The following ANP32A variants were observed in gnomAD, a reference collection of about 807,000 sequenced individuals.
ANP32A encodes the protein acidic nuclear phosphoprotein 32 family member A.
Under a neutral mutation model 33.9 loss-of-function variants are expected in ANP32A, and 1 was observed. The observed-to-expected ratio is 0.03, with a 90% CI of 0.01 to 0.14. The LOEUF (loss-of-function observed/expected upper bound fraction) is 0.14. Among genes scored for constraint, ANP32A ranks in the 10% least tolerant of loss-of-function variants. The pLI is 1.00. For missense variants in ANP32A, 155 were observed against 306.0 expected, an observed-to-expected ratio of 0.51 and a Z score of 3.68; for synonymous variants, 115 against 120.5, an observed-to-expected ratio of 0.95 and a Z score of 0.30.
At position 68,783,163 on chromosome 15, in the gene ANP32A, C is replaced by T. The variant is rs1472934125; in HGVS notation, c.527-110G>A. 3 of 1,485,040 alleles carry T rather than the reference C, an allele frequency of 2.0e-6. No individual in the cohort carries two copies. The African/African-American group carries it at 4.2e-5, about 21-fold the overall frequency. 92.0% of individuals were successfully genotyped at this position (1,485,040 alleles called of 1,614,324 possible). A position where few individuals can be genotyped will look rare whatever the true frequency, so the allele number is the denominator to read the frequency against. On this transcript the variant is annotated intron_variant, in intron 4 of 6. Transcript: ENST00000465139. Reference sequence around the variant, plus strand: ...TTCAGTGTGGGGCTCATGACCCTCCCACACCCACCTAAGTCCAAAGATGGA... The same window carrying T: ...TTCAGTGTGGGGCTCATGACCCTCCTACACCCACCTAAGTCCAAAGATGGA...
rs779209509 is a variant in ANP32A, at chr15:68,820,726, AAATG to A, written c.22_25del (p.His8Ter). The A allele has an allele frequency of 6.2e-7, 1 of 1,613,200 alleles. No individual in the cohort carries two copies. Among genetic ancestry groups the A allele is most frequent in the Non-Finnish European group, 8.5e-7 (1 of 1,179,686 alleles). On this transcript the variant is annotated frameshift_variant, in exon 1 of 7. Coordinates refer to ENST00000465139, the MANE Select transcript of ANP32A (RefSeq NM_006305.4). LOFTEE classifies it high-confidence loss of function. ...AGAGGGCGTCCTGTTCCGCAGCTCT[AAATG>A]AATCCGTCTGCCCATCTCCATCTCT... is the stretch of plus-strand genomic sequence containing the variant.
In ANP32A at chr15:68,787,480, C is replaced by G; in HGVS notation, c.260G>C (p.Cys87Ser). 1.9e-6 allele frequency: 3 copies of G among 1,614,178 alleles called. No homozygotes were observed. Among genetic ancestry groups the G allele is most frequent in the Non-Finnish European group, 2.5e-6 (3 of 1,180,024 alleles). The change falls in exon 3 of 7, where the codon TGT becomes TCT. Residue 87 changes from cysteine (C) to serine (S), a missense_variant. Coordinates refer to ENST00000465139, the MANE Select transcript of ANP32A (RefSeq NM_006305.4). Reference sequence around the variant, plus strand: ...TAAATTTAGATGCGTGAGGTTCGGACACTTTTCTGCCAATACTTCCAGGCC... The same window carrying G: ...TAAATTTAGATGCGTGAGGTTCGGAGACTTTTCTGCCAATACTTCCAGGCC... Reference protein sequence around the residue: ...SGGLEVLAEKCPNLTHLNLSG... With the variant: ...SGGLEVLAEKSPNLTHLNLSG...
intron 1 of ANP32A, among the ~76,000 whole-genome samples, chr15:68,802,154 T>C (rs1375381478): frequency 6.6e-6 from 1 of 152,158 alleles, no homozygotes; most frequent in Non-Finnish European, 1.5e-5. Flanking sequence ...CACCTCTTTT[T>C]TTTTCTCCTT....
chr15:68,803,797 AC>A (rs1894171863), intron 1 of ANP32A, among the ~76,000 whole-genome samples: 1 of 120,048 alleles, frequency 8.3e-6, no homozygotes, highest in Non-Finnish European at 1.7e-5. Context: ...TATTTCACAA[AC>A]TTTTTTTTTT....
At chr15:68,787,015 G>A (rs1893941670) in intron 3 of ANP32A, among the ~76,000 whole-genome samples, 1 of 152,206 alleles carries the variant, frequency 6.6e-6, no homozygotes, top group African/African-American at 2.4e-5. Context: ...GAAAACTGGA[G>A]TCCACCTCCA....
intron 1 of ANP32A, among the ~76,000 whole-genome samples, chr15:68,818,910 C>T (rs1465566946): frequency 1.3e-5 from 2 of 151,770 alleles, no homozygotes; most frequent in African/African-American, 4.8e-5. Flanking sequence ...AGGCAAACCG[C>T]CCGCAAATAG....
At chr15:68,818,903 C>T (rs552066989) in intron 1 of ANP32A, among the ~76,000 whole-genome samples, 1 of 151,744 alleles carries the variant, frequency 6.6e-6, no homozygotes, top group Non-Finnish European at 1.5e-5. Context: ...CGGAGAGAGG[C>T]AAACCGCCCG....
At chr15:68,807,091 G>A (rs539335233) in intron 1 of ANP32A, among the ~76,000 whole-genome samples, 7 of 152,346 alleles carry the variant, frequency 4.6e-5, no homozygotes, top group African/African-American at 1.4e-4. Flanking sequence ...TTGGCTGAGA[G>A]GCGAACGCTG....
At chr15:68,782,933 C>A (rs545241264) in intron 5 of ANP32A, 23 bp downstream of exon 5, 2 of 1,551,002 alleles carry the variant, frequency 1.3e-6, no homozygotes, top group Non-Finnish European at 1.7e-6. Flanking sequence ...AGACGGTGGC[C>A]CTGCCCAGCC....
chr15:68,790,582 C>G (rs1020674187), intron 1 of ANP32A: 1 of 152,190 alleles, frequency 6.6e-6, no homozygotes, highest in Non-Finnish European at 1.5e-5. Flanking sequence ...CAAGCACTCG[C>G]TAGGCACACT....
intron 3 of ANP32A, among the ~76,000 whole-genome samples, chr15:68,785,316 T>C (rs1026518713): frequency 1.3e-5 from 2 of 152,202 alleles, no homozygotes; most frequent in African/African-American, 4.8e-5. Context: ...CTAGCCAATG[T>C]TATCCCTGTT....
chr15:68,789,774 A>G (rs1893977390), intron 1 of ANP32A: 1 of 152,464 alleles, frequency 6.6e-6, no homozygotes, highest in Non-Finnish European at 1.5e-5. Flanking sequence ...CCCACAGAGC[A>G]GGAGAACCAG....
chr15:68,787,363 T>C, intron 3 of ANP32A, 50 bp downstream of exon 3: 2 of 1,612,500 alleles, frequency 1.2e-6, no homozygotes, highest in Non-Finnish European at 8.5e-7. Flanking sequence ...CTGATGCCAA[T>C]TCCTCCCACC....
intron 1 of ANP32A, among the ~76,000 whole-genome samples, chr15:68,797,772 AC>A (rs1280595523): frequency 2.0e-5 from 3 of 151,976 alleles, no homozygotes; most frequent in Admixed American, 6.6e-5. Flanking sequence ...GCCCCTGTCC[AC>A]CAGGGCCCTG....
At chr15:68,819,485 G>T (rs1318474066) in intron 1 of ANP32A, among the ~76,000 whole-genome samples, 4 of 152,248 alleles carry the variant, frequency 2.6e-5, no homozygotes, top group Non-Finnish European at 5.9e-5. Flanking sequence ...ATCAATAACG[G>T]CGGCTAGCGG....
intron 1 of ANP32A, among the ~76,000 whole-genome samples, chr15:68,817,909 G>C (rs1032256532): frequency 6.6e-6 from 1 of 152,096 alleles, no homozygotes; most frequent in South Asian, 2.1e-4. Flanking sequence ...CAACAGCCAC[G>C]GTGACAAAAT....
chr15:68,819,917 A>C (rs1022665800), intron 1 of ANP32A, among the ~76,000 whole-genome samples: 1 of 152,142 alleles, frequency 6.6e-6, no homozygotes, highest in African/African-American at 2.4e-5. Context: ...GGTGGGGTGG[A>C]AAGAGTGAGG....
Position 68,779,903 on chromosome 15 carries a change from C to A in ANP32A, c.*178G>T. On this transcript the variant is annotated 3_prime_UTR_variant, in exon 7 of 7. Transcript: ENST00000465139. ...GTAAAAATAGTATTTTATTCCACCC[C>A]CACCCGCCATCCCTCCCCCCGCAAC... The A allele has an allele frequency of 1.8e-6, 1 of 550,494 alleles. No homozygotes were observed. The highest frequency in any genetic ancestry group is 3.2e-6 in the Non-Finnish European group (1 of 311,738). 34.1% of individuals were successfully genotyped at this position (550,494 alleles called of 1,614,324 possible).
chr15:68,781,214 A>ATTC (rs1209572770), intron 5 of ANP32A: 1 of 152,172 alleles, frequency 6.6e-6, no homozygotes, highest in Non-Finnish European at 1.5e-5. Flanking sequence ...CAAGGGAAAC[A>ATTC]TTCTTTTAAA....
Sources: gnomAD v4.1 joint callset for allele counts (sites outside exome capture counted in the v4.1 genomes callset) on GRCh38, gnomAD v4.1.1 for gene constraint, MANE v1.5 for transcripts, NCBI Gene and HGNC (gene_info 2026-07-23, HGNC 2026-07-21) for gene names.